Variants in FOXA3 observed in about 807,000 individuals in gnomAD.
The protein encoded by FOXA3 is hepatocyte nuclear factor 3-gamma.
FOXA3 carries 11 observed loss-of-function variants against 16.9 expected under a neutral mutation model. The observed-to-expected ratio is 0.65, with a 90% confidence interval of 0.41 to 1.08. The LOEUF (loss-of-function observed/expected upper bound fraction) is 1.08, where lower values mean the gene tolerates loss of function less well. Among genes scored for constraint, FOXA3 ranks in the 50% least tolerant of loss-of-function variants. The pLI is 0.00. For synonymous variants in FOXA3, 217 were observed against 203.3 expected, an observed-to-expected ratio of 1.07 and a Z score of -0.57; for missense variants, 423 against 470.1, an observed-to-expected ratio of 0.90 and a Z score of 0.93.
rs1600546645 is a variant in FOXA3, at chr19:45,864,535, C to T, written c.69+10C>T. ...CCCGGAGGCGGGCGAGGTGTGTCCT[C>T]GGGGATGGCGGAGCGGGAAGTTGGG... is the stretch of plus-strand genomic sequence containing the variant. On this transcript the variant is annotated intron_variant, in intron 1 of 1. Coordinates refer to ENST00000302177, the MANE Select transcript of FOXA3 (RefSeq NM_004497.3). The T allele has an allele frequency of 6.6e-7, 1 of 1,524,124 alleles. No individual in the cohort carries two copies. The highest frequency in any genetic ancestry group is 2.6e-5 in the East Asian group (1 of 38,960). 94.4% of individuals were successfully genotyped at this position (1,524,124 alleles called of 1,614,324 possible). A position where few individuals can be genotyped will look rare whatever the true frequency, so the allele number is the denominator to read the frequency against.
chr19:45,864,560 G>C lies in FOXA3; in HGVS notation c.69+35G>C, dbSNP rs1600546708. 4 of 1,489,096 alleles carry C rather than the reference G, an allele frequency of 2.7e-6. No homozygotes were observed. The Admixed American group carries it at 6.5e-5, about 24-fold the overall frequency. The allele number at this position is 1,489,096 out of a possible 1,614,324, so 92.2% of individuals were successfully genotyped here. A position where few individuals can be genotyped will look rare whatever the true frequency, so the allele number is the denominator to read the frequency against. ...CGGGGATGGCGGAGCGGGAAGTTGG[G>C]GGCAGGTATCGGGGTGTGGGCTCAC... On this transcript the variant is annotated intron_variant, in intron 1 of 1. Transcript: ENST00000302177.
At chr19:45,869,791 A>ATT (rs71175234) in intron 1 of FOXA3, among the ~76,000 whole-genome samples, 1 of 149,066 alleles carries the variant, frequency 6.7e-6, no homozygotes, top group Admixed American at 6.7e-5. Flanking sequence ...TTATTTATTT[A>ATT]TTTTTTTTTT....
chr19:45,867,675 G>A (rs1288931700), intron 1 of FOXA3, among the ~76,000 whole-genome samples: 1 of 150,664 alleles, frequency 6.6e-6, no homozygotes, highest in Non-Finnish European at 1.5e-5. Flanking sequence ...AGTTACTTGG[G>A]AGGCTGAGAC....
At chr19:45,868,502 C>G (rs1211495330) in intron 1 of FOXA3, among the ~76,000 whole-genome samples, 1 of 151,244 alleles carries the variant, frequency 6.6e-6, no homozygotes, top group Non-Finnish European at 1.5e-5. Context: ...ATCGCTTGAA[C>G]CTGGGAGGCA....
Position 45,872,832 on chromosome 19 carries a change from C to A in FOXA3, c.827C>A (p.Pro276His), listed in dbSNP as rs769611712. The change falls in exon 2 of 2, where the codon CCC (proline) becomes CAC (histidine). Residue 276 changes from proline to histidine, a missense_variant. Physicochemically the swap from Pro to His is moderately conservative, Grantham distance 77. Transcript: ENST00000302177. The surrounding 1 kb of genome is among the most constrained non-coding windows in gnomAD (Gnocchi z 4.5). ...EDVGALDCGS[P>H]ASSTPYFTGL... ...GTGGGGGCTCTGGACTGTGGCTCAC[C>A]CGCTTCCTCCACACCCTATTTCACT... is the stretch of plus-strand genomic sequence containing the variant. 5.6e-6 allele frequency: 9 copies of A among 1,613,086 alleles called. No homozygotes were observed. In the South Asian group the frequency reaches 6.6e-5, roughly 12 times the overall value.
intron 1 of FOXA3, among the ~76,000 whole-genome samples, chr19:45,864,754 T>A (rs920509774): frequency 6.6e-6 from 1 of 151,772 alleles, no homozygotes; most frequent in Non-Finnish European, 1.5e-5. Flanking sequence ...AAAATGGAAG[T>A]CAGGAAAATT....
chr19:45,872,321 C>A lies in FOXA3; in HGVS notation c.316C>A (p.Pro106Thr). ...GPGLVHGKEMPKGYRRPLAHA... is the reference protein window; with the variant it reads ...GPGLVHGKEMTKGYRRPLAHA... ...TGGGCTGGTGCACGGGAAGGAGATG[C>A]CGAAGGGGTATCGGCGGCCCCTGGC... The change falls in exon 2 of 2, where the codon CCG becomes ACG. Residue 106 changes from proline to threonine, a missense_variant. This residue lies in a region of FOXA3 where 170 missense variants were observed against 153.9 expected (regional missense o/e 1.10). Transcript: ENST00000302177. The surrounding 1 kb of genome is among the most constrained non-coding windows in gnomAD (Gnocchi z 4.5). The A allele has an allele frequency of 6.2e-7, 1 of 1,614,158 alleles. No individual in the cohort carries two copies. The highest frequency in any genetic ancestry group is 8.5e-7 in the Non-Finnish European group (1 of 1,179,996).
chr19:45,867,879 A>G (rs535047443), intron 1 of FOXA3, among the ~76,000 whole-genome samples: 2 of 149,406 alleles, frequency 1.3e-5, no homozygotes, highest in African/African-American at 4.9e-5. Flanking sequence ...ATAGTGAGAG[A>G]GAGTGCCCAG....
intron 1 of FOXA3, 132 bp from the exon 2 acceptor site, chr19:45,871,943 T>C (rs891423347): frequency 7.9e-6 from 7 of 890,628 alleles, no homozygotes; most frequent in South Asian, 1.7e-5. Flanking sequence ...TTTCTACAGA[T>C]AGAGGTAATG....
At chr19:45,870,366 G>C (rs1481409441) in intron 1 of FOXA3, among the ~76,000 whole-genome samples, 1 of 149,786 alleles carries the variant, frequency 6.7e-6, no homozygotes, top group Non-Finnish European at 1.5e-5. Context: ...GTAGAGACAG[G>C]GTTTCACCGT....
chr19:45,864,774 G>A (rs1318556981), intron 1 of FOXA3, among the ~76,000 whole-genome samples: 4 of 152,128 alleles, frequency 2.6e-5, no homozygotes, highest in African/African-American at 9.7e-5. Flanking sequence ...TTAGCCAAGG[G>A]TCGGGTCACA....
At chr19:45,866,633 CA>C (rs1169586828) in intron 1 of FOXA3, among the ~76,000 whole-genome samples, 1 of 152,160 alleles carries the variant, frequency 6.6e-6, no homozygotes, top group East Asian at 1.9e-4. Flanking sequence ...GTCCCCAAAC[CA>C]CTTCTTGCCC....
At chr19:45,870,286 C>T (rs1966893176) in intron 1 of FOXA3, among the ~76,000 whole-genome samples, 1 of 150,922 alleles carries the variant, frequency 6.6e-6, no homozygotes, top group South Asian at 2.1e-4. Context: ...TCTCCTGCCT[C>T]AGCCTCCCAA....
intron 1 of FOXA3, among the ~76,000 whole-genome samples, chr19:45,867,968 GGAGGGGTC>G (rs1408118572): frequency 6.6e-6 from 1 of 151,092 alleles, no homozygotes. Context: ...AGAGGACTCG[GGAGGGGTC>G]GAGGGTGGGC....
intron 1 of FOXA3, among the ~76,000 whole-genome samples, chr19:45,866,105 G>C (rs1208815348): frequency 1.3e-5 from 2 of 152,110 alleles, no homozygotes; most frequent in East Asian, 3.8e-4. Context: ...CAATTTGTAT[G>C]GAAATTGTGT....
At chr19:45,865,403 C>T (rs1972075457) in intron 1 of FOXA3, among the ~76,000 whole-genome samples, 2 of 152,144 alleles carry the variant, frequency 1.3e-5, no homozygotes, top group African/African-American at 4.8e-5. Context: ...CCTGGACAGA[C>T]AGAAAGTCCT....
At chr19:45,867,406 A>AAGGG (rs1432422167) in intron 1 of FOXA3, among the ~76,000 whole-genome samples, 45 of 139,292 alleles carry the variant, frequency 3.2e-4, no homozygotes, top group Non-Finnish European at 5.0e-4. Context: ...GGATTTGTTG[A>AAGGG]AGGGAGGGAG....
intron 1 of FOXA3, among the ~76,000 whole-genome samples, chr19:45,867,792 A>AAAAAAAAAAAAAAAAAAAC (rs1972097896): frequency 6.7e-6 from 1 of 149,416 alleles, no homozygotes; most frequent in Non-Finnish European, 1.5e-5. Flanking sequence ...AAAAAAAAAA[A>AAAAAAAAAAAAAAAAAAAC]AAAAAAGACA....
Position 45,872,844 on chromosome 19 carries a change from C to T in FOXA3, c.839C>T (p.Thr280Ile), listed in dbSNP as rs760139463. Residue 280 changes from threonine (T) to isoleucine (I), a missense_variant, in exon 2 of 2, where the codon ACA becomes ATA. By Grantham distance (89) the Thr-to-Ile change is moderately conservative. Coordinates refer to ENST00000302177, the MANE Select transcript of FOXA3 (RefSeq NM_004497.3). The surrounding 1 kb of genome is among the most constrained non-coding windows in gnomAD (Gnocchi z 4.5). ...ALDCGSPASS[T>I]PYFTGLELPG... The stretch of plus-strand genomic sequence containing the variant: ...GACTGTGGCTCACCCGCTTCCTCCA[C>T]ACCCTATTTCACTGGCCTGGAGCTC... 64 of 1,613,574 alleles carry T rather than the reference C, an allele frequency of 4.0e-5. No individual in the cohort carries two copies. Among genetic ancestry groups the T allele is most frequent in the Non-Finnish European group, 5.2e-5 (61 of 1,180,030 alleles).
Sources: gnomAD v4.1 joint callset for allele counts (sites outside exome capture counted in the v4.1 genomes callset) on GRCh38, gnomAD v4.1.1 for gene constraint, gnomAD v4.1.1 regional missense constraint, Gnocchi (gnomAD v3.1) non-coding constraint, MANE v1.5 for transcripts, NCBI Gene and HGNC (gene_info 2026-07-23, HGNC 2026-07-21) for gene names.